Variants in KLHL7 observed in about 807,000 individuals in gnomAD.
KLHL7 encodes the protein kelch like family member 7.
A neutral mutation model predicts 67.4 loss-of-function variants in KLHL7; 44 were observed. The ratio of observed to expected loss-of-function variants is 0.65; its 90% CI spans 0.51 to 0.84. The LOEUF (loss-of-function observed/expected upper bound fraction) is 0.84. KLHL7 is among the 40% of genes least tolerant of loss of function. The pLI, the probability that KLHL7 is intolerant of heterozygous loss-of-function variation, is 0.00. For synonymous variants in KLHL7, 252 were observed against 243.3 expected (o/e 1.04, Z -0.33); for missense variants, 362 against 718.1 (o/e 0.50, Z 5.67).
In KLHL7 at chr7:23,165,902, G is replaced by A. The variant is rs921466515; in HGVS notation, c.1141G>A (p.Glu381Lys). 3 of 1,614,206 alleles carry A rather than the reference G, an allele frequency of 1.9e-6. No individual in the cohort carries two copies. In the Admixed American group the frequency reaches 5.0e-5, roughly 27 times the overall value. ...AGACAGCCTTGCTGCATGTGCTGCA[G>A]AAGGCAAAATTTATACATCTGGAGG... ...PRDSLAACAA[E>K]GKIYTSGGSE... The change falls in exon 8 of 11, where the codon GAA becomes AAA. Residue 381 changes from glutamate to lysine, a missense_variant. By Grantham distance (56) the Glu-to-Lys change is moderately conservative. This residue lies in a region of KLHL7 where 136 missense variants were observed against 252.7 expected (regional missense o/e 0.54). Transcript: ENST00000339077.
rs1785315081 is a variant in KLHL7, at chr7:23,177,483, A to G, written c.*3185A>G. On this transcript the variant is annotated 3_prime_UTR_variant, in exon 11 of 11. Transcript: ENST00000339077. ...GTAATCTGTATCATAATTCCCAATT[A>G]GTGTCTTTTTCTGCCTTGGAAATTT... is the stretch of plus-strand genomic sequence containing the variant. 2 of 152,180 alleles carry G rather than the reference A, an allele frequency of 1.3e-5. No homozygotes were observed. The highest frequency in any genetic ancestry group is 4.8e-5 in the African/African-American group (2 of 41,436). The allele number at this position is 152,180 out of a possible 1,614,324, so 9.4% of individuals were successfully genotyped here.
At chr7:23,117,903 T>A in intron 1 of KLHL7, 1 of 1,614,092 alleles carries the variant, frequency 6.2e-7, no homozygotes, top group East Asian at 2.2e-5. Flanking sequence ...CAATGCCAAT[T>A]TGATATCATG....
intron 4 of KLHL7, among the ~76,000 whole-genome samples, chr7:23,136,243 A>G (rs1783972596): frequency 6.6e-6 from 1 of 152,224 alleles, no homozygotes. Context: ...TCAAGGCATC[A>G]TTCATTTGGA....
At chr7:23,161,928 C>T (rs761024093) in intron 7 of KLHL7, among the ~76,000 whole-genome samples, 1 of 152,246 alleles carries the variant, frequency 6.6e-6, no homozygotes, top group Non-Finnish European at 1.5e-5. Context: ...TTCACAACAG[C>T]TGTGCTTTTG....
In KLHL7 at chr7:23,140,775, G is replaced by C; in HGVS notation, c.449G>C (p.Ser150Thr). The C allele has an allele frequency of 6.2e-7, 1 of 1,613,290 alleles. No homozygotes were observed. Among genetic ancestry groups the C allele is most frequent in the Non-Finnish European group, 8.5e-7 (1 of 1,179,520 alleles). ...ATTTTCTTTCTGTGTTTAGGTATAA[G>C]TGTGCTAGCGGAGTGTCTAGATTGT... Reference protein sequence around the residue: ...QVDASNCLGISVLAECLDCPE... With the variant: ...QVDASNCLGITVLAECLDCPE... The change falls in exon 5 of 11, where the codon AGT becomes ACT. Residue 150 changes from serine to threonine, a missense_variant. Ser to Thr is a moderately conservative substitution (Grantham distance 58). Coordinates refer to ENST00000339077, the MANE Select transcript of KLHL7 (RefSeq NM_001031710.3).
intron 4 of KLHL7, among the ~76,000 whole-genome samples, chr7:23,130,369 G>T (rs989984157): frequency 6.6e-6 from 1 of 152,156 alleles, no homozygotes; most frequent in Admixed American, 6.5e-5. Context: ...TTACAGATCT[G>T]TTGCAAGATG....
chr7:23,159,506 T>C (rs1157795100), intron 7 of KLHL7, among the ~76,000 whole-genome samples: 1 of 152,142 alleles, frequency 6.6e-6, no homozygotes, highest in African/African-American at 2.4e-5. Context: ...TTTCTAGATA[T>C]GACCTTAGGC....
intron 1 of KLHL7, among the ~76,000 whole-genome samples, chr7:23,108,902 A>C (rs1378873612): frequency 1.3e-5 from 2 of 152,254 alleles, no homozygotes; most frequent in African/African-American, 4.8e-5. Flanking sequence ...CATTGAATGA[A>C]TATAGCACAA....
intron 7 of KLHL7, among the ~76,000 whole-genome samples, chr7:23,162,188 G>T (rs1583724243): frequency 6.6e-6 from 1 of 152,140 alleles, no homozygotes; most frequent in Non-Finnish European, 1.5e-5. Context: ...GGCTAAAGAC[G>T]CAGCTTTGGA....
At chr7:23,128,980 A>T (rs1166540527) in intron 4 of KLHL7, among the ~76,000 whole-genome samples, 1 of 152,208 alleles carries the variant, frequency 6.6e-6, no homozygotes, top group Non-Finnish European at 1.5e-5. Flanking sequence ...GTGTTTATCC[A>T]TTTACTGATG....
At position 23,140,610 on chromosome 7, in the gene KLHL7, T is replaced by C. The variant is rs750321352; in HGVS notation, c.443-159T>C. On this transcript the variant is annotated intron_variant, in intron 4 of 10. Transcript: ENST00000339077. ...AAAACCAGTCTTTTATAAGACAGTA[T>C]AGTATTGGCACAAGAATAGACAAAT... 61 of 726,526 alleles carry C rather than the reference T, an allele frequency of 8.4e-5. 1 individual carries two copies. The African/African-American group carries it at 9.8e-4, about 12-fold the overall frequency. 45.0% of individuals were successfully genotyped at this position (726,526 alleles called of 1,614,324 possible).
At chr7:23,115,843 A>G (rs1181293272) in intron 1 of KLHL7, among the ~76,000 whole-genome samples, 2 of 152,092 alleles carry the variant, frequency 1.3e-5, no homozygotes, top group Non-Finnish European at 2.9e-5. Flanking sequence ...GCGACTGGCC[A>G]GGACTCATTC....
chr7:23,137,623 C>T (rs2128463566), intron 4 of KLHL7, among the ~76,000 whole-genome samples: 1 of 151,384 alleles, frequency 6.6e-6, no homozygotes, highest in East Asian at 2.0e-4. Flanking sequence ...GGATTACAGG[C>T]ACCCACCAGC....
chr7:23,161,711 GAT>G lies in KLHL7; in HGVS notation c.937-3985_937-3984del, dbSNP rs373341815. Among the ~76,000 whole-genome samples the G allele has an allele frequency of 1.7e-3, 254 of 152,300 alleles. 1 individual carries two copies. The highest frequency in any genetic ancestry group is 3.0e-3 in the Non-Finnish European group (204 of 68,026). ...CCAGCTGGAGCCAGTGTAACATAAAGATAGTGCTGCAATGAAGAACTGGTACA... is the reference window on the plus strand; with the variant it reads ...CCAGCTGGAGCCAGTGTAACATAAAGAGTGCTGCAATGAAGAACTGGTACA... On this transcript the variant is annotated intron_variant, in intron 7 of 10. Transcript: ENST00000339077.
chr7:23,107,067 A>G (rs760747684), intron 1 of KLHL7, among the ~76,000 whole-genome samples: 5 of 152,172 alleles, frequency 3.3e-5, no homozygotes, highest in Non-Finnish European at 5.9e-5. Flanking sequence ...TGCTGGGAAT[A>G]TGGGCAACAG....
intron 7 of KLHL7, among the ~76,000 whole-genome samples, chr7:23,155,093 G>A (rs1784659892): frequency 6.6e-6 from 1 of 152,126 alleles, no homozygotes; most frequent in African/African-American, 2.4e-5. Context: ...CCCGCTCTTG[G>A]CTCAGACATC....
intron 5 of KLHL7, 108 bp downstream of exon 5, chr7:23,141,052 T>C: frequency 3.0e-6 from 3 of 983,852 alleles, no homozygotes; most frequent in Non-Finnish European, 3.2e-6. Context: ...TAGGAAAGAA[T>C]ATGTTCTTTA....
chr7:23,123,286 T>G (rs17150415), intron 1 of KLHL7, among the ~76,000 whole-genome samples: 10,940 of 152,230 alleles, frequency 0.072, 1,090 homozygotes, highest in African/African-American at 0.22. Context: ...CTGTTTCAAG[T>G]TAGATCTGTG....
At chr7:23,120,823 A>T (rs776809372) in intron 1 of KLHL7, among the ~76,000 whole-genome samples, 3 of 152,200 alleles carry the variant, frequency 2.0e-5, no homozygotes, top group Non-Finnish European at 4.4e-5. Flanking sequence ...TTAGCCTACC[A>T]AAGTGCTGGG....
Sources: gnomAD v4.1 joint callset for allele counts (sites outside exome capture counted in the v4.1 genomes callset) on GRCh38, gnomAD v4.1.1 for gene constraint, gnomAD v4.1.1 regional missense constraint, MANE v1.5 for transcripts, NCBI Gene and HGNC (gene_info 2026-07-23, HGNC 2026-07-21) for gene names.